HNF1B: variants seen among roughly 807,000 people sequenced by gnomAD.
HNF1B encodes HNF1 homeobox B.
A neutral mutation model predicts 61.7 loss-of-function variants in HNF1B; 8 were observed. The ratio of observed to expected loss-of-function variants is 0.13; its 90% confidence interval spans 0.08 to 0.23. The LOEUF is 0.23. HNF1B is among the 10% of genes least tolerant of loss of function. The probability of loss-of-function intolerance (pLI) is 1.00; values close to 1 mark genes in which losing one functional copy is unlikely to be tolerated. For missense variants in HNF1B, 562 were observed against 714.5 expected (o/e 0.79, Z 2.43); for synonymous variants, 314 against 287.7 (o/e 1.09, Z -0.93).
At chr17:37,704,777 G>A in intron 6 of HNF1B, 140 bp downstream of exon 6, 1 of 946,980 alleles carries the variant, frequency 1.1e-6, no homozygotes. Context: ...GGAGACAGAT[G>A]AGAAACTAAA....
intron 4 of HNF1B, among the ~76,000 whole-genome samples, chr17:37,719,154 TG>T (rs199528399): frequency 4.6e-5 from 7 of 151,724 alleles, no homozygotes; most frequent in East Asian, 1.9e-4. Context: ...TTTGAAGAGA[TG>T]GGGGGGTCTA....
At chr17:37,743,372 G>C (rs1196386539) in intron 1 of HNF1B, among the ~76,000 whole-genome samples, 6 of 152,264 alleles carry the variant, frequency 3.9e-5, no homozygotes, top group Non-Finnish European at 8.8e-5. Flanking sequence ...TCACCTCCGG[G>C]CGGGAGAGCG....
intron 8 of HNF1B, among the ~76,000 whole-genome samples, chr17:37,691,615 G>T (rs571215681): frequency 6.6e-6 from 1 of 152,236 alleles, no homozygotes; most frequent in Non-Finnish European, 1.5e-5. Flanking sequence ...GTATTTTACA[G>T]GTCTTCGTGC....
At chr17:37,715,460 T>A (rs1172522326) in intron 4 of HNF1B, among the ~76,000 whole-genome samples, 1 of 152,176 alleles carries the variant, frequency 6.6e-6, no homozygotes, top group African/African-American at 2.4e-5. Flanking sequence ...TTGGGGATAA[T>A]TTGAGTGTAA....
At chr17:37,691,752 G>C (rs1263037071) in intron 8 of HNF1B, among the ~76,000 whole-genome samples, 1 of 152,120 alleles carries the variant, frequency 6.6e-6, no homozygotes, top group Non-Finnish European at 1.5e-5. Context: ...GTAGAATGTT[G>C]AGCCCAGATC....
chr17:37,734,450 G>A (rs1347761116), intron 2 of HNF1B, among the ~76,000 whole-genome samples: 2 of 152,218 alleles, frequency 1.3e-5, no homozygotes, highest in African/African-American at 4.8e-5. Flanking sequence ...TCTGGGAGTA[G>A]TGTTTAATTA....
intron 4 of HNF1B, among the ~76,000 whole-genome samples, chr17:37,714,058 C>A (rs1378687580): frequency 6.6e-6 from 1 of 152,184 alleles, no homozygotes; most frequent in Non-Finnish European, 1.5e-5. Flanking sequence ...CTTGGCTCTA[C>A]CCTGTAAGAC....
At chr17:37,700,928 G>A in intron 7 of HNF1B, 55 bp downstream of exon 7, 1 of 1,483,102 alleles carries the variant, frequency 6.7e-7, no homozygotes, top group Non-Finnish European at 9.2e-7. Context: ...GAGGGAAAGT[G>A]GTTGGCCACT....
At chr17:37,705,186 T>C in intron 5 of HNF1B, 137 bp from the exon 6 acceptor site, 4 of 988,980 alleles carry the variant, frequency 4.0e-6, no homozygotes, top group South Asian at 1.5e-5. Context: ...ATAACAATTA[T>C]TGGCTGGGCA....
intron 4 of HNF1B, among the ~76,000 whole-genome samples, chr17:37,727,501 A>G (rs527665958): frequency 2.0e-5 from 3 of 152,194 alleles, no homozygotes; most frequent in East Asian, 1.9e-4. Context: ...TTAATTGTCA[A>G]TTAAGCATGC....
At chr17:37,691,321 T>G (rs1474858255) in intron 8 of HNF1B, among the ~76,000 whole-genome samples, 1 of 152,212 alleles carries the variant, frequency 6.6e-6, no homozygotes, top group Non-Finnish European at 1.5e-5. Context: ...GTGGCTCCAT[T>G]AATTAAAAGT....
At chr17:37,739,346 G>C (rs2033922554) in intron 2 of HNF1B, 94 bp downstream of exon 2, 1 of 1,157,260 alleles carries the variant, frequency 8.6e-7, no homozygotes, top group African/African-American at 1.5e-5. Context: ...GTGCTCACAA[G>C]GCCTTGTCGA....
chr17:37,703,522 T>TC (rs1403242393), intron 6 of HNF1B, among the ~76,000 whole-genome samples: 1 of 152,098 alleles, frequency 6.6e-6, no homozygotes, highest in Non-Finnish European at 1.5e-5. Context: ...TGGAATATCT[T>TC]CCCCACGGGC....
intron 4 of HNF1B, among the ~76,000 whole-genome samples, chr17:37,722,756 G>C (rs181075995): frequency 1.3e-5 from 2 of 152,262 alleles, no homozygotes; most frequent in African/African-American, 4.8e-5. Flanking sequence ...GCTGAAGTTG[G>C]AGCATAGGGT....
chr17:37,726,106 T>C (rs1251961606), intron 4 of HNF1B, among the ~76,000 whole-genome samples: 1 of 151,330 alleles, frequency 6.6e-6, no homozygotes, highest in Non-Finnish European at 1.5e-5. Flanking sequence ...AGGGGAACAG[T>C]AGGAATGTGG....
intron 3 of HNF1B, 53 bp downstream of exon 3, chr17:37,733,504 T>A: frequency 6.2e-7 from 1 of 1,608,578 alleles, no homozygotes; most frequent in Non-Finnish European, 8.5e-7. Flanking sequence ...AGGGGAGGGT[T>A]CCTGGGTCTG....
rs534804043 is a variant in HNF1B, at chr17:37,699,053, C to T, written c.1653+23G>A. The T allele has an allele frequency of 3.2e-6, 5 of 1,557,702 alleles. No individual in the cohort carries two copies. In the South Asian group the frequency reaches 5.6e-5, roughly 17 times the overall value. On this transcript the variant is annotated intron_variant, in intron 8 of 8. Transcript: ENST00000617811. ...ATCACACCCTGCCCACACCCCAACC[C>T]CCGCAAATCCTGCTGGCATTACCTG...
At chr17:37,731,980 G>A (rs951092525) in intron 3 of HNF1B, 150 bp from the exon 4 acceptor site, 20 of 622,616 alleles carry the variant, frequency 3.2e-5, no homozygotes, top group East Asian at 2.7e-4. Flanking sequence ...GGCCTATGCA[G>A]AGAAAAGGCC....
intron 1 of HNF1B, among the ~76,000 whole-genome samples, chr17:37,739,912 C>T (rs1364261375): frequency 6.6e-6 from 1 of 152,062 alleles, no homozygotes; most frequent in Non-Finnish European, 1.5e-5. Flanking sequence ...CCACCACTCT[C>T]TCTTATTAAG....
Sources: gnomAD v4.1 joint callset for allele counts (sites outside exome capture counted in the v4.1 genomes callset) on GRCh38, gnomAD v4.1.1 for gene constraint, MANE v1.5 for transcripts, NCBI Gene and HGNC (gene_info 2026-07-23, HGNC 2026-07-21) for gene names.